Variants in FBXO2 observed in about 807,000 individuals in gnomAD.
FBXO2 encodes F-box only protein 2.
In FBXO2, 32 loss-of-function variants were observed where a neutral mutation model predicts 38.6. That is an observed-to-expected ratio of 0.83 (90% confidence interval 0.62 to 1.11). The LOEUF (loss-of-function observed/expected upper bound fraction) is 1.11, where lower values mean the gene tolerates loss of function less well. Ranked by LOEUF, FBXO2 falls within the 50% of genes most tolerant of loss-of-function variation. The pLI is 0.00. For synonymous variants in FBXO2, 189 were observed against 182.9 expected (o/e 1.03, Z -0.27); for missense variants, 450 against 418.3 (o/e 1.08, Z -0.66).
Position 11,648,994 on chromosome 1 carries a change from A to AGC in FBXO2, c.756+92_756+93insGC. 7.5e-7 allele frequency: 1 copy of AGC among 1,325,536 alleles called. No homozygotes were observed. The highest frequency in any genetic ancestry group is 1.0e-6 in the Non-Finnish European group (1 of 963,350). The allele number at this position is 1,325,536 out of a possible 1,614,324, so 82.1% of individuals were successfully genotyped here. A position where few individuals can be genotyped will look rare whatever the true frequency, so the allele number is the denominator to read the frequency against. On this transcript the variant is annotated intron_variant, in intron 5 of 5. Transcript: ENST00000354287. The surrounding 1 kb of genome is among the most constrained non-coding windows in gnomAD (Gnocchi z 4.2). ...ATCTCAGCCCAGCCCAGCCCAGCCC[A>AGC]CCCCAGCCCAGGAGCGCTGTGGGCG...
Position 11,648,527 on chromosome 1 carries a change from T to G in FBXO2, c.*167A>C. On this transcript the variant is annotated 3_prime_UTR_variant, in exon 6 of 6. Transcript: ENST00000354287. The surrounding 1 kb of genome is among the most constrained non-coding windows in gnomAD (Gnocchi z 4.2). Reference sequence around the variant, plus strand: ...GAAGCCGGCTACCTAAGCAAACCTATGCCAACAAAACTTCTCTCTCCCTGC... The same window carrying G: ...GAAGCCGGCTACCTAAGCAAACCTAGGCCAACAAAACTTCTCTCTCCCTGC... The G allele has an allele frequency of 1.0e-6, 1 of 964,234 alleles. No individual in the cohort carries two copies. The highest frequency in any genetic ancestry group is 1.7e-5 in the South Asian group (1 of 58,588). The allele number at this position is 964,234 out of a possible 1,614,324, so 59.7% of individuals were successfully genotyped here.
At position 11,648,990 on chromosome 1, in the gene FBXO2, G is replaced by GC; in HGVS notation, c.756+96dup. The GC allele has an allele frequency of 7.1e-7, 1 of 1,405,696 alleles. No individual in the cohort carries two copies. Among genetic ancestry groups the GC allele is most frequent in the Non-Finnish European group, 9.7e-7 (1 of 1,030,812 alleles). 87.1% of individuals were successfully genotyped at this position (1,405,696 alleles called of 1,614,324 possible). ...GACTATCTCAGCCCAGCCCAGCCCA[G>GC]CCCACCCCAGCCCAGGAGCGCTGTG... On this transcript the variant is annotated intron_variant, in intron 5 of 5. Coordinates refer to ENST00000354287, the MANE Select transcript of FBXO2 (RefSeq NM_012168.6). This position sits in a 1 kb window ranked among gnomAD's most constrained non-coding sequence, Gnocchi z 4.2.
rs1340264137 is a variant in FBXO2 at position 11,654,213 on chromosome 1, G to C, written c.22+106C>G. 2.4e-6 allele frequency: 3 copies of C among 1,260,778 alleles called. No homozygotes were observed. In the East Asian group the frequency reaches 9.2e-5, roughly 39 times the overall value. The allele number at this position is 1,260,778 out of a possible 1,614,324, so 78.1% of individuals were successfully genotyped here. A position where few individuals can be genotyped will look rare whatever the true frequency, so the allele number is the denominator to read the frequency against. On this transcript the variant is annotated intron_variant, in intron 1 of 5. Coordinates refer to ENST00000354287, the MANE Select transcript of FBXO2 (RefSeq NM_012168.6). The stretch of plus-strand genomic sequence containing the variant: ...CTTCGCTGGCGTGAAAGTTTGCCGC[G>C]CCAGGTCTCCGGGTCCCCTCGCTCT...
At chr1:11,649,905 C>T (rs1028935664) in intron 3 of FBXO2, 31 bp from the exon 4 acceptor site, 4 of 1,613,906 alleles carry the variant, frequency 2.5e-6, no homozygotes, top group East Asian at 2.2e-5. Flanking sequence ...ACAGAGCGAA[C>T]GCTCCCCCCT....
chr1:11,653,784 C>CA (rs1445649003), intron 1 of FBXO2, among the ~76,000 whole-genome samples: 5 of 152,148 alleles, frequency 3.3e-5, no homozygotes, highest in African/African-American at 1.2e-4. Flanking sequence ...GAGCACCAGC[C>CA]AAAGCTGCCC....
chr1:11,651,474 T>C (rs1373018131), intron 1 of FBXO2, among the ~76,000 whole-genome samples: 2 of 152,174 alleles, frequency 1.3e-5, no homozygotes, highest in African/African-American at 2.4e-5. Context: ...TTCAACTTCA[T>C]TTACTCTTTA....
chr1:11,650,536 G>A lies in FBXO2; in HGVS notation c.321C>T (p.Arg107=), dbSNP rs762561002. The change falls in exon 2 of 6, where the codon CGC becomes CGT. Residue 107 remains arginine, a synonymous_variant. Transcript: ENST00000354287. Reference sequence around the variant, plus strand: ...GGAAGTAGAACTGCTGCCAGTGGTCGCGCTCCTCCTCCACGCCGCCCTCGG... The same window carrying A: ...GGAAGTAGAACTGCTGCCAGTGGTCACGCTCCTCCTCCACGCCGCCCTCGG... ...LVPEGGVEEE[R]DHWQQFYFLS... is the part of the protein sequence containing the mutation. 3.1e-6 allele frequency: 5 copies of A among 1,602,132 alleles called. No individual in the cohort carries two copies. The highest frequency in any genetic ancestry group is 1.1e-5 in the South Asian group (1 of 88,972).
At position 11,648,689 on chromosome 1, in the gene FBXO2, G is replaced by T. The variant is rs776503750; in HGVS notation, c.*5C>A. 12 of 1,612,886 alleles carry T rather than the reference G, an allele frequency of 7.4e-6. No homozygotes were observed. In the East Asian group the frequency reaches 2.7e-4, roughly 36 times the overall value. On this transcript the variant is annotated 3_prime_UTR_variant, in exon 6 of 6. Coordinates refer to ENST00000354287, the MANE Select transcript of FBXO2 (RefSeq NM_012168.6). This position sits in a 1 kb window ranked among gnomAD's most constrained non-coding sequence, Gnocchi z 4.2. Reference sequence around the variant, plus strand: ...GCAGCTGGGGGAGAGTGGAGGCAGGGTCGCTCAGGGTTCTACCCACACGCT... The same window carrying T: ...GCAGCTGGGGGAGAGTGGAGGCAGGTTCGCTCAGGGTTCTACCCACACGCT...
In FBXO2 at chr1:11,648,766, C is replaced by T. The variant is rs1173214166; in HGVS notation, c.819G>A (p.Gly273=). 2 of 1,613,578 alleles carry T rather than the reference C, an allele frequency of 1.2e-6. No individual in the cohort carries two copies. The highest frequency in any genetic ancestry group is 2.2e-5 in the South Asian group (2 of 91,082). ...AGCCCTTCCAGTAGACGGAGTCCTGCCCCCCGTGCTCGAAGCGGACGAAGC... is the reference window on the plus strand; with the variant it reads ...AGCCCTTCCAGTAGACGGAGTCCTGTCCCCCGTGCTCGAAGCGGACGAAGC... ...GVRFVRFEHG[G]QDSVYWKGWF... is the part of the protein sequence containing the mutation. Residue 273 remains glycine (G), a synonymous_variant, in exon 6 of 6, where the codon GGG becomes GGA. Transcript: ENST00000354287. This position sits in a 1 kb window ranked among gnomAD's most constrained non-coding sequence, Gnocchi z 4.2.
At chr1:11,649,410 A>C in intron 4 of FBXO2, 185 bp from the exon 5 acceptor site, 1 of 622,616 alleles carries the variant, frequency 1.6e-6, no homozygotes, top group South Asian at 2.0e-5. Context: ...CAGCAAGAGA[A>C]AGTGACAGCC....
chr1:11,652,624 A>G lies in FBXO2; in HGVS notation c.22+1695T>C, dbSNP rs547536203. ...TGCCCAAGATGCCTGGACGAGGGAG[A>G]GCCAGTGAGGAGGAGACGGGGCCAC... On this transcript the variant is annotated intron_variant, in intron 1 of 5. Transcript: ENST00000354287. 3.3e-5 allele frequency among the ~76,000 whole-genome samples: 5 copies of G among 152,276 alleles called. No individual in the cohort carries two copies. In the East Asian group the frequency reaches 9.7e-4, roughly 29 times the overall value.
Position 11,648,978 on chromosome 1 carries a change from C to CAGCCA in FBXO2, c.756+108_756+109insTGGCT, listed in dbSNP as rs1475572743. 1.5e-6 allele frequency: 2 copies of CAGCCA among 1,327,842 alleles called. No homozygotes were observed. The highest frequency in any genetic ancestry group is 1.4e-5 in the African/African-American group (1 of 70,416). 82.3% of individuals were successfully genotyped at this position (1,327,842 alleles called of 1,614,324 possible). ...CCACCACCCGGTGACTATCTCAGCC[C>CAGCCA]AGCCCAGCCCAGCCCACCCCAGCCC... On this transcript the variant is annotated intron_variant, in intron 5 of 5. Coordinates refer to ENST00000354287, the MANE Select transcript of FBXO2 (RefSeq NM_012168.6). This position sits in a 1 kb window ranked among gnomAD's most constrained non-coding sequence, Gnocchi z 4.2.
At position 11,648,778 on chromosome 1, in the gene FBXO2, G is replaced by C. The variant is rs1300794516; in HGVS notation, c.807C>G (p.Phe269Leu). ...AGACGGAGTCCTGCCCCCCGTGCTC[G>C]AAGCGGACGAAGCGGACGCCCGGCC... ...DYGPGVRFVR[F>L]EHGGQDSVYW... The change falls in exon 6 of 6, where the codon TTC (phenylalanine) becomes TTG (leucine). Residue 269 changes from phenylalanine to leucine, a missense_variant. Transcript: ENST00000354287. The surrounding 1 kb of genome is among the most constrained non-coding windows in gnomAD (Gnocchi z 4.2). 11 of 1,613,574 alleles carry C rather than the reference G, an allele frequency of 6.8e-6. No homozygotes were observed. The Admixed American group carries it at 1.2e-4, about 17-fold the overall frequency.
Position 11,648,697 on chromosome 1 carries a change from G to C in FBXO2, c.888C>G (p.Pro296=). The C allele has an allele frequency of 6.2e-7, 1 of 1,613,352 alleles. No individual in the cohort carries two copies. ...GGGAGAGTGGAGGCAGGGTCGCTCAGGGTTCTACCCACACGCTGCTGTTGG... is the reference window on the plus strand; with the variant it reads ...GGGAGAGTGGAGGCAGGGTCGCTCACGGTTCTACCCACACGCTGCTGTTGG... ...RVTNSSVWVE[P] is the part of the protein sequence containing the mutation. The change falls in exon 6 of 6, where the codon CCC becomes CCG. Residue 296 remains proline, a synonymous_variant. Coordinates refer to ENST00000354287, the MANE Select transcript of FBXO2 (RefSeq NM_012168.6). This position sits in a 1 kb window ranked among gnomAD's most constrained non-coding sequence, Gnocchi z 4.2.
chr1:11,649,947 AAAG>A lies in FBXO2; in HGVS notation c.516_518del (p.Phe173del). On this transcript the variant is annotated inframe_deletion, in exon 3 of 6. Transcript: ENST00000354287. ...CTCCTCCACCCCCTTCTCCTTACTC[AAAG>A]GAGGAGGCGAAGTACTTCTTGACGC... 6.2e-7 allele frequency: 1 copy of A among 1,613,864 alleles called. No homozygotes were observed. Among genetic ancestry groups the A allele is most frequent in the Non-Finnish European group, 8.5e-7 (1 of 1,179,968 alleles).
chr1:11,649,812 T>A lies in FBXO2; in HGVS notation c.584A>T (p.Asp195Val). The A allele has an allele frequency of 1.2e-6, 2 of 1,613,866 alleles. No homozygotes were observed. The highest frequency in any genetic ancestry group is 1.7e-6 in the Non-Finnish European group (2 of 1,179,976). ...CACCACGATGGCCGGCTGAGTCGTGTCCAGCAGCTCCTCCCAGTAGCCCTC... is the reference window on the plus strand; with the variant it reads ...CACCACGATGGCCGGCTGAGTCGTGACCAGCAGCTCCTCCCAGTAGCCCTC... ...QAEGYWEELL[D>V]TTQPAIVVKD... The change falls in exon 4 of 6, where the codon GAC (aspartate) becomes GTC (valine). Residue 195 changes from aspartate to valine, a missense_variant. By Grantham distance (152) the Asp-to-Val change is radical. Coordinates refer to ENST00000354287, the MANE Select transcript of FBXO2 (RefSeq NM_012168.6).
In FBXO2 at chr1:11,649,093, C is replaced by T; in HGVS notation, c.750G>A (p.Trp250Ter). The change falls in exon 5 of 6, where the codon TGG (tryptophan) becomes TGA (stop). Residue 250 changes from tryptophan (W) to a stop codon, truncating the protein, a stop_gained. Coordinates refer to ENST00000354287, the MANE Select transcript of FBXO2 (RefSeq NM_012168.6). LOFTEE classifies it high-confidence loss of function. Reference protein sequence around the residue: ...AVPQDSDGGGWMEISHTFTDY... With the variant: ...AVPQDSDGGG ...CTGGGTCCCCCAGGCTCACCTCCAT[C>T]CAGCCCCCGCCGTCACTGTCTTGGG... is the stretch of plus-strand genomic sequence containing the variant. The T allele has an allele frequency of 6.3e-7, 1 of 1,593,804 alleles. No individual in the cohort carries two copies. The highest frequency in any genetic ancestry group is 1.7e-5 in the Admixed American group (1 of 58,302).
chr1:11,654,234 G>A (rs1639611902), intron 1 of FBXO2, 85 bp downstream of exon 1: 1 of 1,406,664 alleles, frequency 7.1e-7, no homozygotes, highest in Non-Finnish European at 9.4e-7. Flanking sequence ...GGGTCCCCTC[G>A]CTCTCTGACG....
chr1:11,648,513 C>T lies in FBXO2; in HGVS notation c.*181G>A, dbSNP rs1570217304. 1 of 823,742 alleles carries T rather than the reference C, an allele frequency of 1.2e-6. No individual in the cohort carries two copies. The highest frequency in any genetic ancestry group is 1.9e-6 in the Non-Finnish European group (1 of 538,584). 51.0% of individuals were successfully genotyped at this position (823,742 alleles called of 1,614,324 possible). A position where few individuals can be genotyped will look rare whatever the true frequency, so the allele number is the denominator to read the frequency against. ...GGATCTACATTCTAGAAGCCGGCTA[C>T]CTAAGCAAACCTATGCCAACAAAAC... is the stretch of plus-strand genomic sequence containing the variant. On this transcript the variant is annotated 3_prime_UTR_variant, in exon 6 of 6. Coordinates refer to ENST00000354287, the MANE Select transcript of FBXO2 (RefSeq NM_012168.6). The surrounding 1 kb of genome is among the most constrained non-coding windows in gnomAD (Gnocchi z 4.2).
Sources: allele counts gnomAD v4.1 joint callset (sites outside exome capture counted in the v4.1 genomes callset), GRCh38; gene constraint gnomAD v4.1.1; non-coding constraint Gnocchi (gnomAD v3.1); transcripts MANE v1.5; gene names NCBI Gene and HGNC (gene_info 2026-07-23, HGNC 2026-07-21).